Variants in HIPK1 observed in about 807,000 individuals in gnomAD.
HIPK1 encodes homeodomain interacting protein kinase 1.
A neutral mutation model predicts 117.1 loss-of-function variants in HIPK1; 28 were observed. The observed-to-expected ratio is 0.24, with a 90% CI of 0.18 to 0.33. HIPK1 has a LOEUF of 0.33. HIPK1 is among the 10% of genes least tolerant of loss of function. The pLI, the probability that HIPK1 is intolerant of heterozygous loss-of-function variation, is 1.00. For synonymous variants in HIPK1, 605 were observed against 562.5 expected, an observed-to-expected ratio of 1.08 and a Z score of -1.07; for missense variants, 1,122 against 1,475.1, an observed-to-expected ratio of 0.76 and a Z score of 3.92.
rs2101535342 is a variant in HIPK1, at chr1:113,975,377, A to G, written c.*1865A>G. The G allele has an allele frequency of 6.5e-6, 1 of 152,880 alleles. No homozygotes were observed. The highest frequency in any genetic ancestry group is 1.9e-4 in the East Asian group (1 of 5,330). The allele number at this position is 152,880 out of a possible 1,614,324, so 9.5% of individuals were successfully genotyped here. On this transcript the variant is annotated 3_prime_UTR_variant, in exon 16 of 16. Coordinates refer to ENST00000426820, the MANE Select transcript of HIPK1 (RefSeq NM_198268.3). ...ATTTTGGATTCTCGGCTGAGTTCTC[A>G]CAGAAGCATTTTCCCCATGTGGCTC...
At chr1:113,954,159 G>A (rs1671555269) in intron 3 of HIPK1, among the ~76,000 whole-genome samples, 1 of 151,874 alleles carries the variant, frequency 6.6e-6, no homozygotes, top group Admixed American at 6.6e-5. Context: ...CGGGGATCTT[G>A]CTATATCAGC....
chr1:113,947,857 T>G (rs1333087114), intron 2 of HIPK1, among the ~76,000 whole-genome samples: 6 of 152,232 alleles, frequency 3.9e-5, no homozygotes, highest in Non-Finnish European at 8.8e-5. Context: ...ACTGCCAGTT[T>G]TTAACAGTTT....
chr1:113,935,105 T>G (rs1404176387), intron 1 of HIPK1, among the ~76,000 whole-genome samples: 1 of 150,960 alleles, frequency 6.6e-6, no homozygotes, highest in Non-Finnish European at 1.5e-5. Flanking sequence ...AGGGGTTTGG[T>G]GTACAGATAT....
chr1:113,943,508 A>G (rs1670786585), intron 2 of HIPK1, among the ~76,000 whole-genome samples: 1 of 152,200 alleles, frequency 6.6e-6, no homozygotes, highest in Non-Finnish European at 1.5e-5. Context: ...TGTATATACC[A>G]CATTTTGTTT....
intron 10 of HIPK1, among the ~76,000 whole-genome samples, chr1:113,964,960 CATGCTTTGTCTT>C (rs888305045): frequency 3.9e-5 from 6 of 152,280 alleles, no homozygotes; most frequent in African/African-American, 1.4e-4. Flanking sequence ...TATTAAACTA[CATGCTTTGTCTT>C]GTGCAGGTGT....
Position 113,970,122 on chromosome 1 carries a change from A to G in HIPK1, c.2938A>G (p.Thr980Ala), listed in dbSNP as rs114387016. Reference sequence around the variant, plus strand: ...GCCTGGCAGAGTTGTGGCAGATGGCACTGGCACCCGCACTATCATTGTGCC... The same window carrying G: ...GCCTGGCAGAGTTGTGGCAGATGGCGCTGGCACCCGCACTATCATTGTGCC... ...EGPGRVVADGTGTRTIIVPPL... is the reference protein window; with the variant it reads ...EGPGRVVADGAGTRTIIVPPL... The change falls in exon 14 of 16, where the codon ACT becomes GCT. Residue 980 changes from threonine to alanine, a missense_variant. Thr to Ala is a moderately conservative substitution (Grantham distance 58). Coordinates refer to ENST00000426820, the MANE Select transcript of HIPK1 (RefSeq NM_198268.3). 778 of 1,614,174 alleles carry G rather than the reference A, an allele frequency of 4.8e-4. 2 individuals are homozygous for G. The African/African-American group carries it at 9.0e-3, about 19-fold the overall frequency.
chr1:113,960,239 A>G (rs1289799321), intron 8 of HIPK1, among the ~76,000 whole-genome samples: 1 of 152,232 alleles, frequency 6.6e-6, no homozygotes, highest in Non-Finnish European at 1.5e-5. Flanking sequence ...TTAAAGGACT[A>G]TGTTCAATAA....
chr1:113,946,317 TCTTC>T lies in HIPK1; in HGVS notation c.1076+4862_1076+4865del, dbSNP rs1202548003. 5.9e-5 allele frequency among the ~76,000 whole-genome samples: 9 copies of T among 152,312 alleles called. No homozygotes were observed. In the South Asian group the frequency reaches 1.9e-3, roughly 32 times the overall value. On this transcript the variant is annotated intron_variant, in intron 2 of 15. Transcript: ENST00000426820. ...AGCTGAAGGAAGAGGGCTGATCAGC[TCTTC>T]CTTTCTGTCTTGACTCTGTGCCTGC... is the stretch of plus-strand genomic sequence containing the variant.
At chr1:113,972,869 G>T (rs1672928821) in intron 15 of HIPK1, among the ~76,000 whole-genome samples, 155 bp from the exon 16 acceptor site, 1 of 152,134 alleles carries the variant, frequency 6.6e-6, no homozygotes, top group Admixed American at 6.5e-5. Context: ...AGGAGGGGTG[G>T]CTGATTTCTG....
chr1:113,972,193 G>T lies in HIPK1; in HGVS notation c.3144+239G>T. On this transcript the variant is annotated intron_variant, in intron 15 of 15. Transcript: ENST00000426820. ...AGACCTCCCTAAGTCTACCCTGGAA[G>T]GTTAGAGAAACGTCTGGGATTTAGA... 2.5e-6 allele frequency: 3 copies of T among 1,181,804 alleles called. No homozygotes were observed. The South Asian group carries it at 4.9e-5, about 19-fold the overall frequency. The allele number at this position is 1,181,804 out of a possible 1,614,324, so 73.2% of individuals were successfully genotyped here. A position where few individuals can be genotyped will look rare whatever the true frequency, so the allele number is the denominator to read the frequency against.
chr1:113,940,814 C>T lies in HIPK1; in HGVS notation c.431C>T (p.Pro144Leu). 1 of 1,614,082 alleles carries T rather than the reference C, an allele frequency of 6.2e-7. No individual in the cohort carries two copies. The highest frequency in any genetic ancestry group is 1.1e-5 in the South Asian group (1 of 91,082). The change falls in exon 2 of 16, where the codon CCT becomes CTT. Residue 144 changes from proline to leucine, a missense_variant. Transcript: ENST00000426820. ...GSVQIIEEHP[P>L]LMLQNRTVVG... is the part of the protein sequence containing the mutation. ...GTGCAGATCATAGAAGAACATCCCCCTCTCATGCTGCAAAACAGGACTGTG... is the reference window on the plus strand; with the variant it reads ...GTGCAGATCATAGAAGAACATCCCCTTCTCATGCTGCAAAACAGGACTGTG...
intron 14 of HIPK1, 95 bp from the exon 15 acceptor site, chr1:113,971,729 C>A: frequency 8.2e-7 from 1 of 1,226,458 alleles, no homozygotes; most frequent in South Asian, 1.6e-5. Flanking sequence ...TTAATGCTTG[C>A]AAACTACATA....
rs531753613 is a variant in HIPK1 at position 113,945,423 on chromosome 1, A to G, written c.1076+3964A>G. On this transcript the variant is annotated intron_variant, in intron 2 of 15. Coordinates refer to ENST00000426820, the MANE Select transcript of HIPK1 (RefSeq NM_198268.3). ...GAAGTCACTGTTAAGTCGAAATCAT[A>G]CAGATTTTCCCCTATGTTTTCTGCT... Among the ~76,000 whole-genome samples, 3 of 152,324 alleles carry G rather than the reference A, an allele frequency of 2.0e-5. No homozygotes were observed. The East Asian group carries it at 5.8e-4, about 29-fold the overall frequency.
At chr1:113,935,566 G>A (rs1299920524) in intron 1 of HIPK1, among the ~76,000 whole-genome samples, 1 of 152,122 alleles carries the variant, frequency 6.6e-6, no homozygotes, top group Admixed American at 6.5e-5. Context: ...GGATCTAATG[G>A]TAATTCTGTT....
chr1:113,947,555 A>G (rs1015243702), intron 2 of HIPK1, among the ~76,000 whole-genome samples: 95 of 152,332 alleles, frequency 6.2e-4, no homozygotes, highest in African/African-American at 2.2e-3. Context: ...ATAGGAAGAA[A>G]GAAACGAAAA....
intron 4 of HIPK1, 80 bp downstream of exon 4, chr1:113,954,850 AATT>A: frequency 2.3e-6 from 3 of 1,295,230 alleles, no homozygotes; most frequent in Non-Finnish European, 3.3e-6. Context: ...TTAGTTATTA[AATT>A]CTTCAGGTAG....
At chr1:113,936,784 C>T (rs953734584) in intron 1 of HIPK1, among the ~76,000 whole-genome samples, 1 of 152,124 alleles carries the variant, frequency 6.6e-6, no homozygotes, top group African/African-American at 2.4e-5. Context: ...TACTTTATGA[C>T]CCCCCTATTC....
Position 113,977,514 on chromosome 1 carries a change from TACA to T in HIPK1, c.*4007_*4009del, listed in dbSNP as rs1162843127. 1 of 152,808 alleles carries T rather than the reference TACA, an allele frequency of 6.5e-6. No individual in the cohort carries two copies. The highest frequency in any genetic ancestry group is 6.5e-5 in the Admixed American group (1 of 15,292). The allele number at this position is 152,808 out of a possible 1,614,324, so 9.5% of individuals were successfully genotyped here. ...CTTTTTTTGGTTGTGCGCTTTCTTT[TACA>T]ACAAGCCTCTAGAAACAGATAGTTT... On this transcript the variant is annotated 3_prime_UTR_variant, in exon 16 of 16. Transcript: ENST00000426820.
chr1:113,929,936 G>A (rs1669734765), intron 1 of HIPK1: 8 of 985,424 alleles, frequency 8.1e-6, no homozygotes, highest in Non-Finnish European at 9.6e-6. Flanking sequence ...CAGACACACC[G>A]GCGGTGAGTG....
Sources: gnomAD v4.1 joint callset for allele counts (sites outside exome capture counted in the v4.1 genomes callset) on GRCh38, gnomAD v4.1.1 for gene constraint, MANE v1.5 for transcripts, NCBI Gene and HGNC (gene_info 2026-07-23, HGNC 2026-07-21) for gene names.